THSD7B: variants seen among roughly 807,000 people sequenced by gnomAD.
THSD7B encodes thrombospondin type-1 domain-containing protein 7B.
In THSD7B, 138 loss-of-function variants were observed where a neutral mutation model predicts 213.6. The ratio of observed to expected loss-of-function variants is 0.65; its 90% CI spans 0.56 to 0.74. The LOEUF is 0.74. Among genes scored for constraint, THSD7B ranks in the 30% least tolerant of loss-of-function variants. The probability of loss-of-function intolerance (pLI) is 0.00; values close to 1 mark genes in which losing one functional copy is unlikely to be tolerated. For synonymous variants in THSD7B, 742 were observed against 687.0 expected, an observed-to-expected ratio of 1.08 and a Z score of -1.25; for missense variants, 1,931 against 1,991.5, an observed-to-expected ratio of 0.97 and a Z score of 0.58.
chr2:137,297,450 C>G (rs991609497), intron 12 of THSD7B, among the ~76,000 whole-genome samples: 21 of 150,448 alleles, frequency 1.4e-4, no homozygotes, highest in African/African-American at 4.9e-4. Flanking sequence ...TTTTTTTAAG[C>G]TGCAAATTCC....
intron 10 of THSD7B, among the ~76,000 whole-genome samples, chr2:137,244,977 A>G (rs910587438): frequency 1.3e-5 from 2 of 152,116 alleles, no homozygotes; most frequent in Non-Finnish European, 2.9e-5. Context: ...CATGACTAGA[A>G]ATTCTGATTC....
chr2:137,304,195 A>C (rs562857995), intron 12 of THSD7B, among the ~76,000 whole-genome samples: 9 of 152,208 alleles, frequency 5.9e-5, no homozygotes, highest in African/African-American at 2.2e-4. Context: ...CATTGTCATT[A>C]GTTTATTTTC....
At chr2:137,401,870 G>C (rs970095167) in intron 12 of THSD7B, among the ~76,000 whole-genome samples, 1 of 152,098 alleles carries the variant, frequency 6.6e-6, no homozygotes, top group Admixed American at 6.6e-5. Flanking sequence ...TTAATTCAGT[G>C]AATGTGTCTT....
intron 2 of THSD7B, among the ~76,000 whole-genome samples, chr2:136,991,791 G>A (rs1457494275): frequency 1.3e-5 from 2 of 152,082 alleles, no homozygotes; most frequent in Non-Finnish European, 2.9e-5. Context: ...CTTTTCTTCA[G>A]ATTCTCCTAT....
Position 137,331,793 on chromosome 2 carries a change from C to T in THSD7B, c.2500+55767C>T, listed in dbSNP as rs12621914. ...AGGCTCGGTGAGAAATCGAGCGCAG[C>T]GCTCGTGGGCTGGTACTGCTGGGGG... On this transcript the variant is annotated intron_variant, in intron 12 of 27. Coordinates refer to ENST00000409968, the MANE Select transcript of THSD7B (RefSeq NM_001316349.2). Among the ~76,000 whole-genome samples, 397 of 152,278 alleles carry T rather than the reference C, an allele frequency of 2.6e-3. 16 individuals carry two copies. The East Asian group carries it at 0.068, about 26-fold the overall frequency.
At chr2:137,494,743 T>G (rs557083320) in intron 15 of THSD7B, among the ~76,000 whole-genome samples, 2 of 152,326 alleles carry the variant, frequency 1.3e-5, no homozygotes, top group East Asian at 3.9e-4. Flanking sequence ...CTTCCCTGAC[T>G]TTGTAACCAT....
At chr2:137,237,312 T>C (rs1681787493) in intron 9 of THSD7B, among the ~76,000 whole-genome samples, 1 of 152,228 alleles carries the variant, frequency 6.6e-6, no homozygotes, top group Non-Finnish European at 1.5e-5. Flanking sequence ...AGGGGCCATG[T>C]ATGCTTACTA....
At chr2:137,099,658 G>A (rs562255334) in intron 4 of THSD7B, among the ~76,000 whole-genome samples, 1 of 152,254 alleles carries the variant, frequency 6.6e-6, no homozygotes, top group East Asian at 1.9e-4. Flanking sequence ...TATGAAAATG[G>A]CTGTTCTGTC....
At chr2:137,313,099 C>G (rs987287410) in intron 12 of THSD7B, among the ~76,000 whole-genome samples, 3 of 151,848 alleles carry the variant, frequency 2.0e-5, no homozygotes, top group African/African-American at 7.3e-5. Flanking sequence ...CTAATGTTGA[C>G]AGTGGGGTGT....
chr2:137,248,574 C>G (rs887237094), intron 10 of THSD7B, among the ~76,000 whole-genome samples: 1 of 152,136 alleles, frequency 6.6e-6, no homozygotes, highest in African/African-American at 2.4e-5. Context: ...GTAAAAATAA[C>G]CTATTCTGGA....
At chr2:137,002,577 G>A (rs897968967) in intron 2 of THSD7B, among the ~76,000 whole-genome samples, 4 of 152,024 alleles carry the variant, frequency 2.6e-5, no homozygotes, top group Admixed American at 6.6e-5. Context: ...GACAGAGGTC[G>A]CACCCCTTTG....
chr2:137,203,923 A>G (rs1021572079), intron 7 of THSD7B, among the ~76,000 whole-genome samples: 1 of 152,094 alleles, frequency 6.6e-6, no homozygotes, highest in Non-Finnish European at 1.5e-5. Context: ...CTCTCCTCAC[A>G]ACCTTTTCCT....
At chr2:137,506,448 T>C (rs1679836482) in intron 15 of THSD7B, among the ~76,000 whole-genome samples, 1 of 152,244 alleles carries the variant, frequency 6.6e-6, no homozygotes, top group African/African-American at 2.4e-5. Flanking sequence ...AATTCTTGAT[T>C]CTATGCTAAT....
At chr2:137,465,330 G>T (rs1687971664) in intron 15 of THSD7B, among the ~76,000 whole-genome samples, 1 of 151,988 alleles carries the variant, frequency 6.6e-6, no homozygotes, top group Non-Finnish European at 1.5e-5. Context: ...GACAGTTCAA[G>T]TTGGGAAGAA....
chr2:137,627,333 G>A (rs1293709595), intron 20 of THSD7B, among the ~76,000 whole-genome samples: 1 of 152,084 alleles, frequency 6.6e-6, no homozygotes. Context: ...ATGCCTTTTG[G>A]TGGGCACAAA....
intron 3 of THSD7B, among the ~76,000 whole-genome samples, chr2:137,061,690 C>T (rs1230671249): frequency 4.0e-5 from 6 of 151,630 alleles, no homozygotes; most frequent in African/African-American, 4.8e-5. Context: ...TTGAACCAGC[C>T]TTGTGTATGT....
At chr2:137,288,351 G>T (rs567061683) in intron 12 of THSD7B, among the ~76,000 whole-genome samples, 1 of 152,146 alleles carries the variant, frequency 6.6e-6, no homozygotes, top group Non-Finnish European at 1.5e-5. Flanking sequence ...TTTAGCTGAG[G>T]TGTATGGGGA....
At position 136,852,272 on chromosome 2, in the gene THSD7B, A is replaced by G. The variant is rs140392184; in HGVS notation, c.-35-29872A>G. Among the ~76,000 whole-genome samples, 561 of 152,164 alleles carry G rather than the reference A, an allele frequency of 3.7e-3. 3 individuals carry two copies. The highest frequency in any genetic ancestry group is 0.013 in the African/African-American group (537 of 41,520). On this transcript the variant is annotated intron_variant, in intron 1 of 27. Coordinates refer to ENST00000409968, the MANE Select transcript of THSD7B (RefSeq NM_001316349.2). Reference sequence around the variant, plus strand: ...GTGGAAGAAATAGAGACTTGTTTCTAGAAGGTAAGGCAGTCCTGGGCTGAA... The same window carrying G: ...GTGGAAGAAATAGAGACTTGTTTCTGGAAGGTAAGGCAGTCCTGGGCTGAA...
intron 15 of THSD7B, among the ~76,000 whole-genome samples, chr2:137,537,542 A>G (rs959762816): frequency 2.0e-5 from 3 of 151,678 alleles, no homozygotes; most frequent in African/African-American, 4.8e-5. Flanking sequence ...TGTGATGATG[A>G]TGGGTTGTAT....
Sources: allele counts gnomAD v4.1 joint callset (sites outside exome capture counted in the v4.1 genomes callset), GRCh38; gene constraint gnomAD v4.1.1; transcripts MANE v1.5; gene names NCBI Gene and HGNC (gene_info 2026-07-23, HGNC 2026-07-21).